The following TMEM245 variants were observed in gnomAD, a reference collection of about 807,000 sequenced individuals.
TMEM245 encodes transmembrane protein 245.
Under a neutral mutation model 101.2 loss-of-function variants are expected in TMEM245, and 69 were observed. That is an observed-to-expected ratio of 0.68 (90% CI 0.56 to 0.83). The LOEUF (loss-of-function observed/expected upper bound fraction) is 0.83, where lower values mean the gene tolerates loss of function less well. Ranked by LOEUF, TMEM245 falls within the 40% of genes least tolerant of loss-of-function variation. The pLI, the probability that TMEM245 is intolerant of heterozygous loss-of-function variation, is 0.00. For synonymous variants in TMEM245, 537 were observed against 449.8 expected (o/e 1.19, Z -2.45); for missense variants, 1,075 against 1,092.8 (o/e 0.98, Z 0.23).
chr9:109,098,470 C>G (rs1266502150), intron 3 of TMEM245, among the ~76,000 whole-genome samples: 1 of 151,868 alleles, frequency 6.6e-6, no homozygotes, highest in Non-Finnish European at 1.5e-5. Flanking sequence ...TTTTATCCAA[C>G]AGATCTGTAT....
At chr9:109,081,067 T>G in intron 7 of TMEM245, 124 bp from the exon 8 acceptor site, 1 of 639,502 alleles carries the variant, frequency 1.6e-6, no homozygotes, top group Non-Finnish European at 2.7e-6. Flanking sequence ...GGCATAATAA[T>G]TAAAGCAATA....
chr9:109,032,098 A>G (rs932796890), intron 17 of TMEM245, among the ~76,000 whole-genome samples: 1 of 152,196 alleles, frequency 6.6e-6, no homozygotes, highest in African/African-American at 2.4e-5. Flanking sequence ...CTGCTTGCAA[A>G]TAAGTGGCAG....
At chr9:109,100,454 G>A (rs958677528) in intron 3 of TMEM245, among the ~76,000 whole-genome samples, 1 of 152,110 alleles carries the variant, frequency 6.6e-6, no homozygotes, top group African/African-American at 2.4e-5. Context: ...CCTCCCAGTA[G>A]CTGGGACTAT....
intron 3 of TMEM245, among the ~76,000 whole-genome samples, chr9:109,102,704 A>G (rs553415616): frequency 6.6e-6 from 1 of 152,218 alleles, no homozygotes; most frequent in Non-Finnish European, 1.5e-5. Context: ...AGTGATTTTT[A>G]GTTTCTTCCT....
intron 14 of TMEM245, chr9:109,046,331 G>T (rs758591071): frequency 3.7e-6 from 2 of 533,832 alleles, no homozygotes; most frequent in East Asian, 1.1e-4. Context: ...CATCAGGGAA[G>T]AAGGGTGTGA....
rs548220952 is a variant in TMEM245 at position 109,055,131 on chromosome 9, T to G, written c.1854+2060A>C. Among the ~76,000 whole-genome samples, 7 of 152,348 alleles carry G rather than the reference T, an allele frequency of 4.6e-5. No homozygotes were observed. In the East Asian group the frequency reaches 1.3e-3, roughly 29 times the overall value. On this transcript the variant is annotated intron_variant, in intron 12 of 17. Transcript: ENST00000374586. ...TCTTTATCATCTATCTTAATATGAT[T>G]CAACACTGTCACTTCATTCATCAAT...
In TMEM245 at chr9:109,038,069, A is replaced by G. The variant is rs1365070370; in HGVS notation, c.2172T>C (p.Tyr724=). 1 of 1,613,562 alleles carries G rather than the reference A, an allele frequency of 6.2e-7. No homozygotes were observed. Among genetic ancestry groups the G allele is most frequent in the Non-Finnish European group, 8.5e-7 (1 of 1,179,738 alleles). ...SLKMAGFYGL[Y]TWLTHTMFGI... is the part of the protein sequence containing the mutation. Reference sequence around the variant, plus strand: ...CAAACATAGTATGAGTCAGCCAGGTATACAATCCATAGAAGCCAGCCATTT... The same window carrying G: ...CAAACATAGTATGAGTCAGCCAGGTGTACAATCCATAGAAGCCAGCCATTT... The change falls in exon 15 of 18, where the codon TAT becomes TAC. Residue 724 remains tyrosine, a synonymous_variant. Coordinates refer to ENST00000374586, the MANE Select transcript of TMEM245 (RefSeq NM_032012.4).
intron 1 of TMEM245, among the ~76,000 whole-genome samples, chr9:109,118,376 G>C (rs1830786107): frequency 6.6e-6 from 1 of 152,204 alleles, no homozygotes; most frequent in Non-Finnish European, 1.5e-5. Flanking sequence ...GACAAAAGAA[G>C]TGAATCAATT....
At chr9:109,060,329 G>A (rs1279222640) in intron 11 of TMEM245, 25 bp downstream of exon 11, 1 of 1,547,314 alleles carries the variant, frequency 6.5e-7, no homozygotes, top group Middle Eastern at 1.8e-4. Flanking sequence ...GTTTACAACA[G>A]GAAACTTTAG....
At position 109,017,378 on chromosome 9, in the gene TMEM245, T is replaced by C. The variant is rs1448538546; in HGVS notation, c.*3082A>G. On this transcript the variant is annotated 3_prime_UTR_variant, in exon 18 of 18. Coordinates refer to ENST00000374586, the MANE Select transcript of TMEM245 (RefSeq NM_032012.4). ...TGAAGAAACCTTGCAATTTTAACAA[T>C]AACTAAGACCAGCATGTAAGGTGGT... 6.6e-6 allele frequency: 1 copy of C among 152,174 alleles called. No homozygotes were observed. The highest frequency in any genetic ancestry group is 2.4e-5 in the African/African-American group (1 of 41,420). The allele number at this position is 152,174 out of a possible 1,614,324, so 9.4% of individuals were successfully genotyped here. A position where few individuals can be genotyped will look rare whatever the true frequency, so the allele number is the denominator to read the frequency against.
chr9:109,104,441 T>C (rs1345895183), intron 3 of TMEM245, among the ~76,000 whole-genome samples: 2 of 152,220 alleles, frequency 1.3e-5, no homozygotes, highest in African/African-American at 2.4e-5. Context: ...TTTTGTCTTT[T>C]TATATTGTAA....
intron 1 of TMEM245, among the ~76,000 whole-genome samples, chr9:109,113,405 G>A (rs772714186): frequency 2.0e-5 from 3 of 152,172 alleles, no homozygotes; most frequent in Non-Finnish European, 4.4e-5. Flanking sequence ...TTAAATCAAT[G>A]AGCCACAGTT....
chr9:109,032,922 C>T (rs1016746423), intron 17 of TMEM245, among the ~76,000 whole-genome samples: 4 of 151,418 alleles, frequency 2.6e-5, no homozygotes, highest in Non-Finnish European at 4.4e-5. Flanking sequence ...CCTCAGCCTC[C>T]CAAACAGCTG....
intron 11 of TMEM245, among the ~76,000 whole-genome samples, chr9:109,057,916 A>AAC (rs1828888904): frequency 7.5e-6 from 1 of 132,980 alleles, no homozygotes; most frequent in Non-Finnish European, 1.6e-5. Flanking sequence ...ACTAAACAGC[A>AAC]TTTACTTTCT....
At chr9:109,051,227 G>A (rs754531344) in intron 12 of TMEM245, among the ~76,000 whole-genome samples, 2 of 151,242 alleles carry the variant, frequency 1.3e-5, no homozygotes, top group Non-Finnish European at 2.9e-5. Context: ...AGGAGGCAGG[G>A]GTTGCAGTGA....
chr9:109,095,130 A>G (rs1226685824), intron 3 of TMEM245, among the ~76,000 whole-genome samples: 1 of 152,180 alleles, frequency 6.6e-6, no homozygotes, highest in Non-Finnish European at 1.5e-5. Context: ...AATATGAGAG[A>G]AATTCAAACT....
At chr9:109,029,065 A>G (rs1588017454) in intron 17 of TMEM245, among the ~76,000 whole-genome samples, 3 of 152,348 alleles carry the variant, frequency 2.0e-5, no homozygotes. Context: ...CTCTAAGGAA[A>G]TAATACCTCA....
In TMEM245 at chr9:109,018,721, A is replaced by G. The variant is rs1222047919; in HGVS notation, c.*1739T>C. On this transcript the variant is annotated 3_prime_UTR_variant, in exon 18 of 18. Transcript: ENST00000374586. ...TCCAAAAAGGAAATCTTCAACGCTTAAGAACTACCCCCCAACACTTTTTTT... is the reference window on the plus strand; with the variant it reads ...TCCAAAAAGGAAATCTTCAACGCTTGAGAACTACCCCCCAACACTTTTTTT... 2 of 151,636 alleles carry G rather than the reference A, an allele frequency of 1.3e-5. No homozygotes were observed. The highest frequency in any genetic ancestry group is 4.8e-5 in the African/African-American group (2 of 41,334). 9.4% of individuals were successfully genotyped at this position (151,636 alleles called of 1,614,324 possible).
chr9:109,101,264 T>C (rs970635086), intron 3 of TMEM245, among the ~76,000 whole-genome samples: 30 of 151,870 alleles, frequency 2.0e-4, no homozygotes, highest in African/African-American at 6.8e-4. Context: ...TCAGAAGACA[T>C]AGAGAAAGAT....
Sources: gnomAD v4.1 joint callset for allele counts (sites outside exome capture counted in the v4.1 genomes callset) on GRCh38, gnomAD v4.1.1 for gene constraint, MANE v1.5 for transcripts, NCBI Gene and HGNC (gene_info 2026-07-23, HGNC 2026-07-21) for gene names.